HEMK2: variants seen among roughly 807,000 people sequenced by gnomAD.
The protein encoded by HEMK2 is methyltransferase HEMK2.
the HEMK2 span, among the ~76,000 whole-genome samples, chr21:28,841,406 A>ATATATATATTATATATATAAAATATATAT: frequency 2.9e-5 from 1 of 34,468 alleles, no homozygotes; most frequent in Non-Finnish European, 4.2e-5. Flanking sequence ...TATATATATA[A>ATATATATATTATATATATAAAATATATAT]TATATATATT....
chr21:28,748,979 G>A, the HEMK2 span, among the ~76,000 whole-genome samples: 30 of 152,050 alleles, frequency 2.0e-4, no homozygotes, highest in Admixed American at 2.0e-3. Flanking sequence ...ATACTTTTAA[G>A]ATCTGGGTTT....
chr21:28,857,395 TG>T, the HEMK2 span, among the ~76,000 whole-genome samples: 1 of 152,160 alleles, frequency 6.6e-6, no homozygotes, highest in South Asian at 2.1e-4. Flanking sequence ...GTTGAAAGGA[TG>T]TAAGTTTTAA....
At chr21:28,809,301 T>C in the HEMK2 span, among the ~76,000 whole-genome samples, 2 of 152,124 alleles carry the variant, frequency 1.3e-5, no homozygotes, top group South Asian at 2.1e-4. Flanking sequence ...AGAGAACAAA[T>C]CATATTGTTA....
At chr21:28,860,056 C>T in the HEMK2 span, among the ~76,000 whole-genome samples, 3 of 151,976 alleles carry the variant, frequency 2.0e-5, no homozygotes, top group Middle Eastern at 0.01. Context: ...AAGGGGTGGA[C>T]TTGCGATGGT....
At chr21:28,845,776 C>T in the HEMK2 span, among the ~76,000 whole-genome samples, 2 of 151,974 alleles carry the variant, frequency 1.3e-5, no homozygotes, top group African/African-American at 4.8e-5. Flanking sequence ...CATCTCCTTA[C>T]CAAATTCTCT....
the HEMK2 span, among the ~76,000 whole-genome samples, chr21:28,880,928 TAAAAAAAAA>T: frequency 2.1e-4 from 22 of 104,436 alleles, no homozygotes; most frequent in African/African-American, 6.1e-4. Flanking sequence ...ATCATTTATT[TAAAAAAAAA>T]AAAAAAAAAA....
chr21:28,727,726 A>T, the HEMK2 span, among the ~76,000 whole-genome samples: 1 of 152,238 alleles, frequency 6.6e-6, no homozygotes, highest in Non-Finnish European at 1.5e-5. Context: ...TGCGTAGGTA[A>T]ATTTGATGTT....
the HEMK2 span, among the ~76,000 whole-genome samples, chr21:28,648,596 CAGT>C: frequency 1.3e-5 from 2 of 152,096 alleles, no homozygotes; most frequent in Non-Finnish European, 2.9e-5. Context: ...AGAACTCTAG[CAGT>C]AGAAGAGACT....
the HEMK2 span, among the ~76,000 whole-genome samples, chr21:28,782,009 C>A: frequency 6.6e-6 from 1 of 152,198 alleles, no homozygotes; most frequent in Admixed American, 6.5e-5. Flanking sequence ...CTTTACTATA[C>A]AGTTTCATTG....
At chr21:28,876,973 A>G in the HEMK2 span, among the ~76,000 whole-genome samples, 1 of 139,276 alleles carries the variant, frequency 7.2e-6, no homozygotes, top group African/African-American at 2.6e-5. Flanking sequence ...AGAAGACTGA[A>G]CTAAGACAAT....
the HEMK2 span, among the ~76,000 whole-genome samples, chr21:28,805,441 T>G: frequency 6.6e-6 from 1 of 152,208 alleles, no homozygotes; most frequent in Admixed American, 6.6e-5. Flanking sequence ...TATTTTCTAA[T>G]TGTCTCAAAC....
the HEMK2 span, among the ~76,000 whole-genome samples, chr21:28,682,334 A>T: frequency 6.6e-6 from 1 of 152,074 alleles, no homozygotes; most frequent in Non-Finnish European, 1.5e-5. Context: ...GAGAAATGCA[A>T]ATCAAAACCA....
At chr21:28,588,529 G>C in the HEMK2 span, among the ~76,000 whole-genome samples, 1 of 152,150 alleles carries the variant, frequency 6.6e-6, no homozygotes, top group Non-Finnish European at 1.5e-5. Flanking sequence ...CAATTTACCC[G>C]ATCAGATTGT....
chr21:28,763,994 G>A, the HEMK2 span, among the ~76,000 whole-genome samples: 1 of 152,084 alleles, frequency 6.6e-6, no homozygotes, highest in Admixed American at 6.6e-5. Context: ...TCTGAAGCAT[G>A]TTGCATAGTG....
At chr21:28,758,135 T>C in the HEMK2 span, among the ~76,000 whole-genome samples, 1 of 152,120 alleles carries the variant, frequency 6.6e-6, no homozygotes, top group Non-Finnish European at 1.5e-5. Context: ...AGAAGGAAGA[T>C]TAAATACAGC....
the HEMK2 span, among the ~76,000 whole-genome samples, chr21:28,726,627 G>A: frequency 6.6e-6 from 1 of 152,090 alleles, no homozygotes; most frequent in African/African-American, 2.4e-5. Context: ...TTATTTTCAG[G>A]CCAGGCACAG....
chr21:28,881,694 C>T, the HEMK2 span, among the ~76,000 whole-genome samples: 3 of 146,314 alleles, frequency 2.1e-5, no homozygotes, highest in East Asian at 4.0e-4. Context: ...TGCAGTGGCA[C>T]GATCATGGCT....
the HEMK2 span, among the ~76,000 whole-genome samples, chr21:28,746,168 T>A: frequency 1.3e-5 from 2 of 152,228 alleles, no homozygotes; most frequent in African/African-American, 4.8e-5. Context: ...ACTATATGAA[T>A]ATAAATAAAA....
At chr21:28,596,848 G>A in the HEMK2 span, among the ~76,000 whole-genome samples, 357 of 152,182 alleles carry the variant, frequency 2.3e-3, 2 homozygotes, top group Non-Finnish European at 4.3e-3. Context: ...GCTCCATACC[G>A]AAAATGGGAA....
Sources: gnomAD v4.1 joint callset for allele counts (sites outside exome capture counted in the v4.1 genomes callset) on GRCh38, gnomAD v4.1.1 for gene constraint, MANE v1.5 for transcripts, NCBI Gene and HGNC (gene_info 2026-07-23, HGNC 2026-07-21) for gene names.